METTL25: variants seen among roughly 807,000 people sequenced by gnomAD.
METTL25 encodes the protein probable methyltransferase-like protein 25.
METTL25 carries 64 observed loss-of-function variants against 71.6 expected under a neutral mutation model. The ratio of observed to expected loss-of-function variants is 0.89; its 90% CI spans 0.73 to 1.10. The LOEUF is 1.10. Ranked by LOEUF, METTL25 falls within the 50% of genes least tolerant of loss-of-function variation. The probability of loss-of-function intolerance (pLI) is 0.00; values close to 1 mark genes in which losing one functional copy is unlikely to be tolerated. For missense variants in METTL25, 807 were observed against 707.0 expected (o/e 1.14, Z -1.60); for synonymous variants, 287 against 250.3 (o/e 1.15, Z -1.38).
At chr12:82,434,357 G>A (rs926054525) in intron 6 of METTL25, among the ~76,000 whole-genome samples, 1 of 151,214 alleles carries the variant, frequency 6.6e-6, no homozygotes, top group Non-Finnish European at 1.5e-5. Flanking sequence ...TTATTTGATT[G>A]TTTTAGCTAC....
chr12:82,419,793 A>G (rs1176010253), intron 5 of METTL25, among the ~76,000 whole-genome samples: 1 of 152,090 alleles, frequency 6.6e-6, no homozygotes, highest in Non-Finnish European at 1.5e-5. Flanking sequence ...CGCTATGGAA[A>G]ATGATACGGA....
At chr12:82,422,194 C>G (rs959714733) in intron 5 of METTL25, among the ~76,000 whole-genome samples, 1 of 152,098 alleles carries the variant, frequency 6.6e-6, no homozygotes, top group Non-Finnish European at 1.5e-5. Flanking sequence ...AAAAGCTTAT[C>G]CACCATGATC....
At position 82,363,169 on chromosome 12, in the gene METTL25, A is replaced by C. The variant is rs568832927; in HGVS notation, c.259+4345A>C. 1.9e-3 allele frequency among the ~76,000 whole-genome samples: 283 copies of C among 152,346 alleles called. 2 individuals are homozygous for C. The highest frequency in any genetic ancestry group is 3.1e-3 in the Non-Finnish European group (214 of 68,024). On this transcript the variant is annotated intron_variant, in intron 1 of 11. Transcript: ENST00000248306. Reference sequence around the variant, plus strand: ...GTATAAACGCTGCCTGAATCCCCAAATGATCTCTTAACTCCACATGCCTGG... The same window carrying C: ...GTATAAACGCTGCCTGAATCCCCAACTGATCTCTTAACTCCACATGCCTGG...
chr12:82,359,377 G>A (rs1262388933), intron 1 of METTL25, among the ~76,000 whole-genome samples: 1 of 152,170 alleles, frequency 6.6e-6, no homozygotes, highest in African/African-American at 2.4e-5. Flanking sequence ...GTGAGGGGCT[G>A]CAGGTGCAGG....
chr12:82,410,333 C>T (rs73151484), intron 5 of METTL25, among the ~76,000 whole-genome samples: 8,859 of 152,136 alleles, frequency 0.058, 336 homozygotes, highest in Middle Eastern at 0.12. Context: ...ATCATTGAAA[C>T]AATGCAAACA....
intron 5 of METTL25, among the ~76,000 whole-genome samples, chr12:82,419,693 T>TAAAAA (rs57698458): frequency 1.4e-5 from 2 of 145,242 alleles, no homozygotes; most frequent in Non-Finnish European, 1.5e-5. Context: ...TGACTGCTAT[T>TAAAAA]AAAAAAAAAA....
At chr12:82,385,573 A>T (rs1884910884) in intron 1 of METTL25, among the ~76,000 whole-genome samples, 1 of 152,146 alleles carries the variant, frequency 6.6e-6, no homozygotes, top group Admixed American at 6.6e-5. Context: ...GAACCACTAC[A>T]GACAAATTGG....
intron 1 of METTL25, among the ~76,000 whole-genome samples, chr12:82,367,524 A>G (rs1311832427): frequency 6.6e-6 from 1 of 152,048 alleles, no homozygotes; most frequent in South Asian, 2.1e-4. Context: ...CTCTTCCTCC[A>G]TTACTCTTGC....
intron 8 of METTL25, among the ~76,000 whole-genome samples, chr12:82,441,972 C>G (rs1165107567): frequency 1.3e-5 from 2 of 151,968 alleles, no homozygotes; most frequent in Non-Finnish European, 2.9e-5. Flanking sequence ...GAGTAGGAAA[C>G]TAGGACTTGT....
intron 8 of METTL25, among the ~76,000 whole-genome samples, chr12:82,454,465 G>A (rs376792779): frequency 2.9e-4 from 44 of 152,130 alleles, no homozygotes; most frequent in African/African-American, 1.1e-3. Context: ...CAACTTTCTA[G>A]TTCTAGTTGA....
chr12:82,417,261 A>C (rs1888062003), intron 5 of METTL25, among the ~76,000 whole-genome samples: 1 of 152,180 alleles, frequency 6.6e-6, no homozygotes, highest in Non-Finnish European at 1.5e-5. Flanking sequence ...CCTAAATTTT[A>C]CTTTATTGTT....
intron 5 of METTL25, among the ~76,000 whole-genome samples, chr12:82,406,634 G>T (rs1380753135): frequency 1.3e-5 from 2 of 152,144 alleles, no homozygotes; most frequent in African/African-American, 4.8e-5. Flanking sequence ...CTGTTGAGCA[G>T]TTCAATGTAG....
intron 8 of METTL25, among the ~76,000 whole-genome samples, chr12:82,450,969 T>C (rs1468016842): frequency 6.9e-6 from 1 of 145,470 alleles, no homozygotes; most frequent in Non-Finnish European, 1.6e-5. Flanking sequence ...CAGCTCTTAC[T>C]ATCTAATATA....
intron 4 of METTL25, among the ~76,000 whole-genome samples, chr12:82,401,790 A>G (rs1886643347): frequency 6.6e-6 from 1 of 152,090 alleles, no homozygotes; most frequent in Admixed American, 6.5e-5. Flanking sequence ...CTAGAAATTA[A>G]TATACCTATA....
intron 9 of METTL25, among the ~76,000 whole-genome samples, chr12:82,472,564 C>A (rs1421681173): frequency 6.6e-6 from 1 of 152,136 alleles, no homozygotes; most frequent in Non-Finnish European, 1.5e-5. Flanking sequence ...TGCCACTGCA[C>A]TCCAGCCTGG....
chr12:82,452,766 G>T (rs535625864), intron 8 of METTL25, among the ~76,000 whole-genome samples: 9 of 152,070 alleles, frequency 5.9e-5, no homozygotes, highest in Non-Finnish European at 1.0e-4. Flanking sequence ...CTTAATAGTG[G>T]TAATAATACT....
chr12:82,421,724 G>A (rs766866408), intron 5 of METTL25, among the ~76,000 whole-genome samples: 29 of 152,178 alleles, frequency 1.9e-4, no homozygotes, highest in Admixed American at 3.9e-4. Context: ...TATCACCACC[G>A]ATCCCACAGA....
At chr12:82,402,091 G>C (rs928061420) in intron 4 of METTL25, among the ~76,000 whole-genome samples, 1 of 151,972 alleles carries the variant, frequency 6.6e-6, no homozygotes, top group South Asian at 2.1e-4. Flanking sequence ...TACTCATTGT[G>C]TATGTGTGTG....
chr12:82,453,087 C>T (rs1891259373), intron 8 of METTL25, among the ~76,000 whole-genome samples: 1 of 152,146 alleles, frequency 6.6e-6, no homozygotes, highest in African/African-American at 2.4e-5. Flanking sequence ...AACATACTTC[C>T]TGGTCCTAAT....
Sources: allele counts gnomAD v4.1 joint callset (sites outside exome capture counted in the v4.1 genomes callset), GRCh38; gene constraint gnomAD v4.1.1; transcripts MANE v1.5; gene names NCBI Gene and HGNC (gene_info 2026-07-23, HGNC 2026-07-21).